The following FAM135A variants were observed in gnomAD, a reference collection of about 807,000 sequenced individuals.
FAM135A encodes the protein protein FAM135A.
In FAM135A, 79 loss-of-function variants were observed where a neutral mutation model predicts 146.8. The observed-to-expected ratio is 0.54, with a 90% confidence interval of 0.45 to 0.65. The LOEUF (loss-of-function observed/expected upper bound fraction) is 0.65, where lower values mean the gene tolerates loss of function less well. Among genes scored for constraint, FAM135A ranks in the 30% least tolerant of loss-of-function variants. The pLI is 0.00. For synonymous variants in FAM135A, 562 were observed against 603.6 expected (o/e 0.93, Z 1.01); for missense variants, 1,623 against 1,758.2 (o/e 0.92, Z 1.38).
intron 5 of FAM135A, among the ~76,000 whole-genome samples, chr6:70,459,328 G>A (rs1459294755): frequency 6.6e-6 from 1 of 152,188 alleles, no homozygotes. Flanking sequence ...AGTGGAGCAG[G>A]TTGAGTGGGA....
intron 2 of FAM135A, among the ~76,000 whole-genome samples, chr6:70,416,181 A>G (rs1002084037): frequency 4.6e-5 from 7 of 152,240 alleles, no homozygotes; most frequent in Non-Finnish European, 1.0e-4. Flanking sequence ...CTTGAGAAGC[A>G]GCAGTTCTAA....
chr6:70,420,162 G>A (rs1019147390), intron 2 of FAM135A, among the ~76,000 whole-genome samples: 1 of 152,174 alleles, frequency 6.6e-6, no homozygotes. Flanking sequence ...AAAAGGGAGT[G>A]TCTGGAATCT....
At chr6:70,452,061 T>A (rs1261041928) in intron 4 of FAM135A, among the ~76,000 whole-genome samples, 1 of 151,982 alleles carries the variant, frequency 6.6e-6, no homozygotes, top group Admixed American at 6.6e-5. Context: ...CCAACTGATA[T>A]CTTCATTTTG....
In FAM135A at chr6:70,533,193, A is replaced by G. The variant is rs1796156064; in HGVS notation, c.3809A>G (p.Tyr1270Cys). 1.9e-6 allele frequency: 3 copies of G among 1,612,986 alleles called. No individual in the cohort carries two copies. The highest frequency in any genetic ancestry group is 2.5e-6 in the Non-Finnish European group (3 of 1,179,466). The change falls in exon 17 of 22, where the codon TAC (tyrosine) becomes TGC (cysteine). Residue 1270 changes from tyrosine (Y) to cysteine (C), a missense_variant. Physicochemically the swap from Tyr to Cys is radical, Grantham distance 194. Around this residue, in one of 7 missense-constraint regions of FAM135A, gnomAD observed 1,061 missense variants for 1,113.8 expected, o/e 0.95. Transcript: ENST00000418814. Reference protein sequence around the residue: ...NSADLRLVKTYIELGLPGGRI... With the variant: ...NSADLRLVKTCIELGLPGGRI... ...GCAGATCTCCGATTAGTAAAAACTTACATTGAACTTGGATTGCCTGGGGGA... is the reference window on the plus strand; with the variant it reads ...GCAGATCTCCGATTAGTAAAAACTTGCATTGAACTTGGATTGCCTGGGGGA...
chr6:70,474,847 C>G (rs551518036), intron 5 of FAM135A, among the ~76,000 whole-genome samples: 1 of 152,266 alleles, frequency 6.6e-6, no homozygotes, highest in South Asian at 2.1e-4. Flanking sequence ...GCTATTCTCC[C>G]CTCTCTGGAT....
intron 5 of FAM135A, among the ~76,000 whole-genome samples, chr6:70,465,718 A>G (rs1309068676): frequency 2.0e-5 from 3 of 152,140 alleles, no homozygotes; most frequent in African/African-American, 4.8e-5. Context: ...AGGAACCCCC[A>G]TAGTATTTTG....
rs573282415 is a variant in FAM135A at position 70,560,888 on chromosome 6, G to A, written c.*967G>A. 5.9e-5 allele frequency: 9 copies of A among 152,636 alleles called. No homozygotes were observed. The South Asian group carries it at 1.9e-3, about 32-fold the overall frequency. The allele number at this position is 152,636 out of a possible 1,614,324, so 9.5% of individuals were successfully genotyped here. A position where few individuals can be genotyped will look rare whatever the true frequency, so the allele number is the denominator to read the frequency against. ...TGGAACAAAATAATTAACTTTACAT[G>A]TTTGGTGATACAGATGCAAATGTTT... On this transcript the variant is annotated 3_prime_UTR_variant, in exon 22 of 22. Transcript: ENST00000418814.
At chr6:70,549,073 AATTTT>A (rs1799354231) in intron 20 of FAM135A, among the ~76,000 whole-genome samples, 1 of 152,114 alleles carries the variant, frequency 6.6e-6, no homozygotes, top group Admixed American at 6.6e-5. Context: ...TGGAAGGAGA[AATTTT>A]ATTATCTTTT....
rs575871759 is a variant in FAM135A at position 70,416,073 on chromosome 6, G to A, written c.-134+697G>A. Among the ~76,000 whole-genome samples, 23 of 152,248 alleles carry A rather than the reference G, an allele frequency of 1.5e-4. No homozygotes were observed. The East Asian group carries it at 3.9e-3, about 26-fold the overall frequency. On this transcript the variant is annotated intron_variant, in intron 2 of 21. Transcript: ENST00000418814. ...ACTTCTGTGAAAAGTCTAGTAGAAT[G>A]CTGGTGAACTGTGGACTAGCACTCT...
intron 4 of FAM135A, among the ~76,000 whole-genome samples, chr6:70,443,147 T>G (rs537857143): frequency 6.6e-6 from 1 of 152,336 alleles, no homozygotes; most frequent in South Asian, 2.1e-4. Context: ...GTGCCATTTT[T>G]GATCTCACTA....
At chr6:70,545,726 A>G (rs894625389) in intron 20 of FAM135A, among the ~76,000 whole-genome samples, 3 of 152,250 alleles carry the variant, frequency 2.0e-5, no homozygotes, top group Non-Finnish European at 4.4e-5. Context: ...ACCACGTTCT[A>G]GGTGTGATTT....
rs61746801 is a variant in FAM135A, at chr6:70,524,853, T to C, written c.1769T>C (p.Ile590Thr). ...TERTEQKSPD[I>T]ENVQPDQFDP... is the part of the protein sequence containing the mutation. ...AGAACTGAACAAAAGTCTCCAGATA[T>C]TGAAAATGTTCAACCAGACCAGTTT... The change falls in exon 15 of 22, where the codon ATT (isoleucine) becomes ACT (threonine). Residue 590 changes from isoleucine (I) to threonine (T), a missense_variant. By Grantham distance (89) the Ile-to-Thr change is moderately conservative. Around this residue, in one of 7 missense-constraint regions of FAM135A, gnomAD observed 1,061 missense variants for 1,113.8 expected, o/e 0.95. Transcript: ENST00000418814. 158 of 1,600,280 alleles carry C rather than the reference T, an allele frequency of 9.9e-5. No homozygotes were observed. The highest frequency in any genetic ancestry group is 2.2e-4 in the Admixed American group (13 of 58,674).
At chr6:70,491,541 A>C (rs78137767) in intron 11 of FAM135A, among the ~76,000 whole-genome samples, 4 of 151,932 alleles carry the variant, frequency 2.6e-5, no homozygotes, top group African/African-American at 9.7e-5. Context: ...TGCTTTAACT[A>C]TTTAAATGTA....
In FAM135A at chr6:70,482,069, C is replaced by T. The variant is rs751775449; in HGVS notation, c.738C>T (p.Ala246=). The part of the protein sequence containing the change: ...HAYRFHYTLC[A]TLLLAFKGLH... ...ATCGTTTTCATTATACACTTTGTGC[C>T]ACTTTGCTGCTAGCCTTCAAGGGAT... is the stretch of plus-strand genomic sequence containing the variant. Residue 246 remains alanine (A), a synonymous_variant, in exon 10 of 22, where the codon GCC becomes GCT. Transcript: ENST00000418814. 1 of 1,613,804 alleles carries T rather than the reference C, an allele frequency of 6.2e-7. No homozygotes were observed. Among genetic ancestry groups the T allele is most frequent in the Non-Finnish European group, 8.5e-7 (1 of 1,179,838 alleles).
intron 20 of FAM135A, among the ~76,000 whole-genome samples, chr6:70,550,660 G>A (rs1366051990): frequency 2.0e-5 from 3 of 152,114 alleles, no homozygotes; most frequent in African/African-American, 7.2e-5. Context: ...ATTCTTAAGG[G>A]CTCCAGGATT....
chr6:70,428,170 T>C (rs1770645442), intron 3 of FAM135A, 134 bp from the exon 4 acceptor site: 3 of 483,562 alleles, frequency 6.2e-6, no homozygotes, highest in Non-Finnish European at 1.1e-5. Context: ...GGTTAGGTTG[T>C]TAAGTACACT....
intron 12 of FAM135A, among the ~76,000 whole-genome samples, chr6:70,510,774 G>A (rs907319266): frequency 3.2e-4 from 48 of 151,948 alleles, no homozygotes; most frequent in African/African-American, 1.1e-3. Context: ...GTTATTTGGG[G>A]TATATACCTA....
intron 2 of FAM135A, among the ~76,000 whole-genome samples, chr6:70,419,676 C>G (rs946758494): frequency 5.3e-5 from 8 of 152,182 alleles, no homozygotes; most frequent in Non-Finnish European, 1.2e-4. Context: ...TCAGTTCCCA[C>G]ATATTGTCAT....
chr6:70,527,966 C>T (rs1220160464), intron 15 of FAM135A, among the ~76,000 whole-genome samples: 1 of 152,134 alleles, frequency 6.6e-6, no homozygotes, highest in Non-Finnish European at 1.5e-5. Context: ...CAGTCCCTCT[C>T]CCAGCTTTTC....
Sources: allele counts gnomAD v4.1 joint callset (sites outside exome capture counted in the v4.1 genomes callset), GRCh38; gene constraint gnomAD v4.1.1; regional missense constraint gnomAD v4.1.1; transcripts MANE v1.5; gene names NCBI Gene and HGNC (gene_info 2026-07-23, HGNC 2026-07-21).